The following TRDN variants were observed in gnomAD, a reference collection of about 807,000 sequenced individuals.
TRDN encodes triadin, also known as triadin in skeletal muscle.
Under a neutral mutation model 149.7 loss-of-function variants are expected in TRDN, and 161 were observed. That is an observed-to-expected ratio of 1.08 (90% CI 0.95 to 1.23). The LOEUF (loss-of-function observed/expected upper bound fraction) is 1.23, where lower values mean the gene tolerates loss of function less well. TRDN is among the 50% of genes most tolerant of loss of function. TRDN has a pLI of 0.00. For missense variants in TRDN, 896 were observed against 823.5 expected (o/e 1.09, Z -1.08); for synonymous variants, 294 against 250.5 (o/e 1.17, Z -1.64).
intron 23 of TRDN, among the ~76,000 whole-genome samples, chr6:123,325,490 G>A (rs994106756): frequency 6.6e-6 from 1 of 152,078 alleles, no homozygotes; most frequent in Non-Finnish European, 1.5e-5. Context: ...TGACATGAGT[G>A]AAGATGACAT....
chr6:123,363,240 A>G (rs1045234844), intron 20 of TRDN, among the ~76,000 whole-genome samples: 9 of 152,174 alleles, frequency 5.9e-5, no homozygotes, highest in Non-Finnish European at 2.9e-5. Flanking sequence ...CTAGAGGTGG[A>G]CCAGTTGTAA....
At chr6:123,450,484 G>T (rs766510701) in intron 10 of TRDN, among the ~76,000 whole-genome samples, 1 of 152,176 alleles carries the variant, frequency 6.6e-6, no homozygotes, top group South Asian at 2.1e-4. Flanking sequence ...TAAACCAACA[G>T]CAGTAAAAAG....
At chr6:123,427,023 GGGGT>G (rs751976917) in intron 12 of TRDN, among the ~76,000 whole-genome samples, 1 of 151,888 alleles carries the variant, frequency 6.6e-6, no homozygotes, top group Non-Finnish European at 1.5e-5. Context: ...TATTGTCTTT[GGGGT>G]TTTTCTACTG....
intron 9 of TRDN, among the ~76,000 whole-genome samples, chr6:123,475,852 T>A (rs1267660121): frequency 6.6e-6 from 1 of 152,142 alleles, no homozygotes; most frequent in Non-Finnish European, 1.5e-5. Flanking sequence ...TCAACGAAAT[T>A]CAGCAACCCG....
rs75057871 is a variant in TRDN, at chr6:123,282,674, T to C, written c.1511-3592A>G. 4.5e-3 allele frequency among the ~76,000 whole-genome samples: 688 copies of C among 151,978 alleles called. 26 individuals carry two copies. The South Asian group carries it at 0.076, about 17-fold the overall frequency. On this transcript the variant is annotated intron_variant, in intron 24 of 40. Transcript: ENST00000334268. Reference sequence around the variant, plus strand: ...ATACAAGTAACAAACTGAACTTTCATGAATTTATTCACAAAATTCATAATT... The same window carrying C: ...ATACAAGTAACAAACTGAACTTTCACGAATTTATTCACAAAATTCATAATT...
intron 14 of TRDN, 79 bp from the exon 15 acceptor site, chr6:123,382,226 A>C: frequency 1.1e-6 from 1 of 947,312 alleles, no homozygotes. Flanking sequence ...AATTTCTATA[A>C]ACAATCAAAT....
intron 5 of TRDN, among the ~76,000 whole-genome samples, chr6:123,527,374 C>T (rs767073137): frequency 1.3e-5 from 2 of 151,970 alleles, no homozygotes; most frequent in Non-Finnish European, 2.9e-5. Context: ...AAAGGAAACT[C>T]AGACTGTTGA....
At chr6:123,556,430 A>G (rs899092744) in intron 2 of TRDN, among the ~76,000 whole-genome samples, 4 of 152,160 alleles carry the variant, frequency 2.6e-5, no homozygotes, top group African/African-American at 9.7e-5. Context: ...CACTCCTCAA[A>G]GCATGATGAC....
intron 12 of TRDN, among the ~76,000 whole-genome samples, chr6:123,422,158 C>T (rs1773933143): frequency 1.3e-5 from 2 of 152,062 alleles, no homozygotes; most frequent in African/African-American, 2.4e-5. Context: ...AATATTATCT[C>T]ATTTTTTATA....
chr6:123,427,515 TTC>T (rs1774172558), intron 12 of TRDN, among the ~76,000 whole-genome samples: 2 of 152,118 alleles, frequency 1.3e-5, no homozygotes, highest in South Asian at 4.1e-4. Flanking sequence ...TACCCACTCT[TTC>T]TCTGTTTGAA....
intron 4 of TRDN, among the ~76,000 whole-genome samples, chr6:123,543,681 A>G (rs1235265670): frequency 6.6e-6 from 1 of 152,182 alleles, no homozygotes; most frequent in African/African-American, 2.4e-5. Flanking sequence ...ATTACAAGTG[A>G]TATAATTTAT....
intron 23 of TRDN, among the ~76,000 whole-genome samples, chr6:123,330,078 TAGA>T (rs1346413245): frequency 6.6e-6 from 1 of 151,874 alleles, no homozygotes; most frequent in Non-Finnish European, 1.5e-5. Context: ...CTTGGAAGAG[TAGA>T]AGAAGATTCT....
chr6:123,485,135 G>A (rs1777919171), intron 9 of TRDN, among the ~76,000 whole-genome samples: 1 of 152,240 alleles, frequency 6.6e-6, no homozygotes, highest in East Asian at 1.9e-4. Flanking sequence ...GCAAGTCCAG[G>A]AACTGTGTGC....
chr6:123,461,058 G>A (rs529339399), intron 10 of TRDN, among the ~76,000 whole-genome samples: 2 of 152,132 alleles, frequency 1.3e-5, no homozygotes, highest in Non-Finnish European at 2.9e-5. Context: ...AAGCTATGTA[G>A]GGTTCACTCT....
intron 19 of TRDN, among the ~76,000 whole-genome samples, chr6:123,366,980 A>G (rs901144681): frequency 6.6e-6 from 1 of 152,190 alleles, no homozygotes; most frequent in Non-Finnish European, 1.5e-5. Context: ...ACTGTAAAAG[A>G]TTAGCTGTAA....
intron 21 of TRDN, chr6:123,349,813 A>G (rs529816400): frequency 2.0e-6 from 2 of 985,334 alleles, no homozygotes; most frequent in South Asian, 4.7e-5. Flanking sequence ...CAGTGCATAC[A>G]CAAAGAAGAG....
chr6:123,388,978 C>A (rs546730101), intron 13 of TRDN, among the ~76,000 whole-genome samples: 1 of 152,236 alleles, frequency 6.6e-6, no homozygotes, highest in Admixed American at 6.6e-5. Context: ...TACTAGTCTG[C>A]AGTCTACATT....
chr6:123,369,085 G>A (rs1160252075), intron 19 of TRDN, among the ~76,000 whole-genome samples: 1 of 152,110 alleles, frequency 6.6e-6, no homozygotes, highest in African/African-American at 2.4e-5. Flanking sequence ...TCCCTCTAAA[G>A]GATCTTGGGA....
rs1255513715 is a variant in TRDN, at chr6:123,571,025, A to G, written c.130T>C (p.Phe44Leu). 1 of 1,614,004 alleles carries G rather than the reference A, an allele frequency of 6.2e-7. No individual in the cohort carries two copies. The highest frequency in any genetic ancestry group is 8.5e-7 in the Non-Finnish European group (1 of 1,179,868). ...AGAAGCCAGGCTGCAGGGGAGCTGA[A>G]CGTCGTCACTATGTCTTCTGTGACT... ...RTVTEDIVTT[F>L]SSPAAWLLVI... The change falls in exon 2 of 41, where the codon TTC becomes CTC. Residue 44 changes from phenylalanine to leucine, a missense_variant. Coordinates refer to ENST00000334268, the MANE Select transcript of TRDN (RefSeq NM_006073.4).
Sources: allele counts gnomAD v4.1 joint callset (sites outside exome capture counted in the v4.1 genomes callset), GRCh38; gene constraint gnomAD v4.1.1; transcripts MANE v1.5; gene names NCBI Gene and HGNC (gene_info 2026-07-23, HGNC 2026-07-21).